Variants in IST1 observed in about 807,000 individuals in gnomAD.
IST1 encodes the protein IST1 factor associated with ESCRT-III.
Under a neutral mutation model 37.0 loss-of-function variants are expected in IST1, and 23 were observed. The observed-to-expected ratio is 0.62, with a 90% CI of 0.45 to 0.88. The LOEUF (loss-of-function observed/expected upper bound fraction) is 0.88. Ranked by LOEUF, IST1 falls within the 40% of genes least tolerant of loss-of-function variation. IST1 has a pLI of 0.00. For missense variants in IST1, 488 were observed against 445.4 expected (o/e 1.10, Z -0.86); for synonymous variants, 180 against 161.7 (o/e 1.11, Z -0.86).
Position 71,921,417 on chromosome 16 carries a change from T to C in IST1, c.516T>C (p.Asn172=), listed in dbSNP as rs753146151. The part of the protein sequence containing the change: ...VERYLIEIAK[N]YNVPYEPDSV... ...GATACCTGATTGAAATTGCAAAGAA[T>C]TACAACGTACCCTATGAACCTGACT... Residue 172 remains asparagine, a synonymous_variant, in exon 6 of 10, where the codon AAT becomes AAC. Coordinates refer to ENST00000378799, the MANE Select transcript of IST1 (RefSeq NM_001270975.2). 1.9e-6 allele frequency: 3 copies of C among 1,612,900 alleles called. No individual in the cohort carries two copies. The highest frequency in any genetic ancestry group is 2.5e-6 in the Non-Finnish European group (3 of 1,179,036).
At chr16:71,900,987 G>T (rs1233184162) in intron 1 of IST1, among the ~76,000 whole-genome samples, 1 of 152,056 alleles carries the variant, frequency 6.6e-6, no homozygotes, top group Non-Finnish European at 1.5e-5. Flanking sequence ...ATTACTTACT[G>T]GACAATGTTA....
At chr16:71,927,519 T>G in intron 9 of IST1, 95 bp from the exon 10 acceptor site, 2 of 914,872 alleles carry the variant, frequency 2.2e-6, no homozygotes, top group East Asian at 2.4e-5. Flanking sequence ...GAACTAAGGT[T>G]TTCTCCTGTG....
intron 1 of IST1, among the ~76,000 whole-genome samples, chr16:71,905,400 G>GAT (rs2037201190): frequency 2.3e-5 from 1 of 43,692 alleles, no homozygotes; most frequent in Non-Finnish European, 3.8e-5. Flanking sequence ...TTTTTTTTGA[G>GAT]ACAGTTTCAC....
upstream of IST1, chr16:71,894,619 G>A (rs1215717357): frequency 2.0e-6 from 1 of 503,358 alleles, no homozygotes. Context: ...GCGACCTTCT[G>A]GGCTCAAGCG....
intron 1 of IST1, among the ~76,000 whole-genome samples, chr16:71,898,626 A>G (rs12923191): frequency 0.07 from 10,376 of 147,522 alleles, 494 homozygotes; most frequent in Middle Eastern, 0.14. Context: ...GCAGTGAGCC[A>G]AGATCCAGCT....
rs770773179 is a variant in IST1 at position 71,927,760 on chromosome 16, A to G, written c.1048A>G (p.Ile350Val). ...AGASTSASEDIDFDDLSRRFE... is the reference protein window; with the variant it reads ...AGASTSASEDVDFDDLSRRFE... ...TGCCAGCACCTCAGCATCTGAAGAC[A>G]TTGACTTTGATGATCTTTCCCGGAG... is the stretch of plus-strand genomic sequence containing the variant. Residue 350 changes from isoleucine to valine, a missense_variant, in exon 10 of 10, where the codon ATT becomes GTT. Transcript: ENST00000378799. The G allele has an allele frequency of 3.7e-6, 6 of 1,613,998 alleles. No homozygotes were observed. The African/African-American group carries it at 8.0e-5, about 22-fold the overall frequency.
intron 5 of IST1, chr16:71,921,124 T>C (rs2037570507): frequency 1.0e-5 from 6 of 598,162 alleles, no homozygotes; most frequent in South Asian, 9.9e-5. Context: ...AGCAGTATCA[T>C]CTTTTGCCAG....
chr16:71,900,594 A>AGT (rs1567459634), intron 1 of IST1, among the ~76,000 whole-genome samples: 1 of 152,096 alleles, frequency 6.6e-6, no homozygotes, highest in Non-Finnish European at 1.5e-5. Context: ...TAAGAATTGG[A>AGT]GTAAAGTGAA....
intron 1 of IST1, among the ~76,000 whole-genome samples, chr16:71,900,199 T>G (rs1194247581): frequency 6.7e-6 from 1 of 149,278 alleles, no homozygotes; most frequent in Non-Finnish European, 1.5e-5. Flanking sequence ...ATAAATAAAA[T>G]AACACACGTC....
rs951338097 is a variant in IST1, at chr16:71,902,866, A to AT, written c.-16+7285dup. 1.8e-4 allele frequency among the ~76,000 whole-genome samples: 27 copies of AT among 149,640 alleles called. No homozygotes were observed. The East Asian group carries it at 2.8e-3, about 16-fold the overall frequency. The stretch of plus-strand genomic sequence containing the variant: ...GAAGAATCAGCATTTAGTTTCCTTG[A>AT]TTTTTTTTCTATTTTTTCTTCTATT... On this transcript the variant is annotated intron_variant, in intron 1 of 9. Coordinates refer to ENST00000378799, the MANE Select transcript of IST1 (RefSeq NM_001270975.2).
chr16:71,927,678 C>G lies in IST1; in HGVS notation c.966C>G (p.Asn322Lys). The G allele has an allele frequency of 6.2e-7, 1 of 1,613,974 alleles. No individual in the cohort carries two copies. The highest frequency in any genetic ancestry group is 1.1e-5 in the South Asian group (1 of 91,080). The stretch of plus-strand genomic sequence containing the variant: ...CCAGACCTGCAGATAACTATGACAA[C>G]TTTGTCCTACCAGAGTTGCCATCTG... ...LPSRPADNYD[N>K]FVLPELPSVP... is the part of the protein sequence containing the mutation. The change falls in exon 10 of 10, where the codon AAC becomes AAG. Residue 322 changes from asparagine (N) to lysine (K), a missense_variant. Asn to Lys is a moderately conservative substitution (Grantham distance 94). This residue lies in a region of IST1 where 455 missense variants were observed against 386.2 expected (regional missense o/e 1.18). Coordinates refer to ENST00000378799, the MANE Select transcript of IST1 (RefSeq NM_001270975.2).
intron 1 of IST1, among the ~76,000 whole-genome samples, chr16:71,899,188 T>A (rs8055655): frequency 0.65 from 98,325 of 151,726 alleles, 33,006 homozygotes; most frequent in East Asian, 0.92. Flanking sequence ...GTTTTTTTTT[T>A]AAATTAATTT....
At chr16:71,906,782 C>G (rs930709941) in intron 1 of IST1, among the ~76,000 whole-genome samples, 3 of 152,138 alleles carry the variant, frequency 2.0e-5, no homozygotes. Flanking sequence ...TCCTTTTGGT[C>G]TCCCTGGTTT....
At position 71,929,651 on chromosome 16, in the gene IST1, G is replaced by C; in HGVS notation, c.*1838G>C. 6.4e-7 allele frequency: 1 copy of C among 1,551,672 alleles called. No individual in the cohort carries two copies. Among genetic ancestry groups the C allele is most frequent in the South Asian group, 1.2e-5 (1 of 84,018 alleles). On this transcript the variant is annotated 3_prime_UTR_variant, in exon 10 of 10. Coordinates refer to ENST00000378799, the MANE Select transcript of IST1 (RefSeq NM_001270975.2). ...CCTAACAAATTTGAGAGCTTCTGTAGCAGTGTATCTATTAGTGCAGCTTCT... is the reference window on the plus strand; with the variant it reads ...CCTAACAAATTTGAGAGCTTCTGTACCAGTGTATCTATTAGTGCAGCTTCT...
At chr16:71,899,794 C>T (rs1315620810) in intron 1 of IST1, among the ~76,000 whole-genome samples, 1 of 151,930 alleles carries the variant, frequency 6.6e-6, no homozygotes, top group Non-Finnish European at 1.5e-5. Context: ...GAGGCCGAGG[C>T]GGGTGGATCA....
chr16:71,914,695 G>A (rs1205779498), intron 1 of IST1, among the ~76,000 whole-genome samples: 1 of 152,272 alleles, frequency 6.6e-6, no homozygotes, highest in Middle Eastern at 3.4e-3. Context: ...TTTTTTATTA[G>A]TGGTTAATTC....
intron 1 of IST1, among the ~76,000 whole-genome samples, chr16:71,899,795 G>A (rs1183413300): frequency 1.3e-5 from 2 of 152,030 alleles, no homozygotes; most frequent in South Asian, 2.1e-4. Context: ...AGGCCGAGGC[G>A]GGTGGATCAC....
upstream of IST1, chr16:71,894,821 C>A (rs1169426088): frequency 4.6e-6 from 7 of 1,533,584 alleles, no homozygotes; most frequent in South Asian, 6.0e-5. Flanking sequence ...CCCTTCCAGG[C>A]TTAAGCAGCG....
chr16:71,915,980 GCCACCACA>G (rs1174863468), intron 2 of IST1, among the ~76,000 whole-genome samples: 3 of 151,970 alleles, frequency 2.0e-5, no homozygotes, highest in African/African-American at 7.3e-5. Flanking sequence ...ACAGGTGTGT[GCCACCACA>G]CCTGGCTAAT....
Sources: allele counts gnomAD v4.1 joint callset (sites outside exome capture counted in the v4.1 genomes callset), GRCh38; gene constraint gnomAD v4.1.1; regional missense constraint gnomAD v4.1.1; transcripts MANE v1.5; gene names NCBI Gene and HGNC (gene_info 2026-07-23, HGNC 2026-07-21).